GLIS1: variants seen among roughly 807,000 people sequenced by gnomAD.
GLIS1 encodes the protein GLIS family zinc finger 1, also known as zinc finger protein GLIS1.
In GLIS1, 24 loss-of-function variants were observed where a neutral mutation model predicts 63.8. The observed-to-expected ratio is 0.38, with a 90% CI of 0.27 to 0.53. The LOEUF (loss-of-function observed/expected upper bound fraction) is 0.53, where lower values mean the gene tolerates loss of function less well. GLIS1 is among the 20% of genes least tolerant of loss of function. The pLI, the probability that GLIS1 is intolerant of heterozygous loss-of-function variation, is 0.85. For synonymous variants in GLIS1, 450 were observed against 482.5 expected (o/e 0.93, Z 0.88); for missense variants, 1,036 against 1,074.1 (o/e 0.96, Z 0.50).
At chr1:53,580,879 C>T (rs79819325) in intron 4 of GLIS1, among the ~76,000 whole-genome samples, 1,735 of 152,296 alleles carry the variant, frequency 0.011, 31 homozygotes, top group African/African-American at 0.04. Context: ...TCCTGCCCCA[C>T]CTCTGTGCCC....
At chr1:53,658,914 C>T (rs1043937376) in intron 2 of GLIS1, among the ~76,000 whole-genome samples, 18 of 152,212 alleles carry the variant, frequency 1.2e-4, no homozygotes, top group African/African-American at 4.1e-4. Context: ...GTGGGGGGCA[C>T]AGCAGGCAGG....
chr1:53,642,120 C>T (rs1305659655), intron 2 of GLIS1, among the ~76,000 whole-genome samples: 1 of 152,264 alleles, frequency 6.6e-6, no homozygotes, highest in Non-Finnish European at 1.5e-5. Context: ...GGCCAGGCCA[C>T]ACCTACCCTG....
chr1:53,708,643 G>A (rs1411061370), intron 2 of GLIS1, among the ~76,000 whole-genome samples: 5 of 152,024 alleles, frequency 3.3e-5, no homozygotes, highest in African/African-American at 4.8e-5. Context: ...GGCAACTCAG[G>A]AACAAAAGGC....
chr1:53,672,115 C>T (rs1436427503), intron 2 of GLIS1, among the ~76,000 whole-genome samples: 5 of 152,184 alleles, frequency 3.3e-5, no homozygotes, highest in Admixed American at 3.3e-4. Flanking sequence ...TCCAAGCAGC[C>T]CTGAACCCAT....
At position 53,679,692 on chromosome 1, in the gene GLIS1, C is replaced by T. The variant is rs576190358; in HGVS notation, c.259+58114G>A. 9.2e-5 allele frequency among the ~76,000 whole-genome samples: 14 copies of T among 152,144 alleles called. 1 individual carries two copies. In the South Asian group the frequency reaches 1.5e-3, roughly 16 times the overall value. On this transcript the variant is annotated intron_variant, in intron 2 of 10. Transcript: ENST00000628545. Reference sequence around the variant, plus strand: ...GTCAGCCATGCCTCCTGGACGGGCCCCTTGGCTGCTCTGAGCATGCTTCCT... The same window carrying T: ...GTCAGCCATGCCTCCTGGACGGGCCTCTTGGCTGCTCTGAGCATGCTTCCT...
intron 4 of GLIS1, among the ~76,000 whole-genome samples, chr1:53,568,506 G>A (rs1398667690): frequency 1.3e-5 from 2 of 152,136 alleles, no homozygotes; most frequent in African/African-American, 2.4e-5. Flanking sequence ...GTTTTTAAAT[G>A]TGAGAAGGAC....
chr1:53,709,377 C>CATATATACAT (rs1646618425), intron 2 of GLIS1, among the ~76,000 whole-genome samples: 1 of 59,002 alleles, frequency 1.7e-5, no homozygotes, highest in South Asian at 4.6e-4. Flanking sequence ...TATATATATA[C>CATATATACAT]ATATATACAT....
chr1:53,667,958 A>G (rs1349554252), intron 2 of GLIS1, among the ~76,000 whole-genome samples: 1 of 152,096 alleles, frequency 6.6e-6, no homozygotes, highest in Non-Finnish European at 1.5e-5. Context: ...AATCCATTTC[A>G]TTACCATTGC....
At chr1:53,544,622 G>A (rs1644679635) in intron 4 of GLIS1, among the ~76,000 whole-genome samples, 1 of 152,202 alleles carries the variant, frequency 6.6e-6, no homozygotes, top group Non-Finnish European at 1.5e-5. Flanking sequence ...TGACCTCTGG[G>A]GACCCTCCAG....
Position 53,518,807 on chromosome 1 carries a change from T to G in GLIS1, c.1726+1827A>C, listed in dbSNP as rs112547831. On this transcript the variant is annotated intron_variant, in intron 7 of 10. Transcript: ENST00000628545. ...TTGTGAAGTCAGTGGCCCAAGCAGG[T>G]GCTCAAGAGATGGTAACTGCTGGCC... Among the ~76,000 whole-genome samples the G allele has an allele frequency of 2.0e-3, 310 of 152,314 alleles. 2 individuals are homozygous for G. Among genetic ancestry groups the G allele is most frequent in the African/African-American group, 7.1e-3 (297 of 41,562 alleles).
chr1:53,610,800 A>G (rs552599644), intron 2 of GLIS1, among the ~76,000 whole-genome samples: 5 of 152,288 alleles, frequency 3.3e-5, no homozygotes, highest in African/African-American at 1.2e-4. Flanking sequence ...TGGGGCAACA[A>G]TGTATGTTAG....
At chr1:53,738,132 G>C (rs1646931527) in intron 1 of GLIS1, 26 bp from the exon 2 acceptor site, 1 of 1,194,396 alleles carries the variant, frequency 8.4e-7, no homozygotes, top group East Asian at 3.2e-5. Context: ...AGCACAGCCA[G>C]TTAGAATGCG....
intron 2 of GLIS1, among the ~76,000 whole-genome samples, chr1:53,660,697 G>T (rs796874738): frequency 2.6e-5 from 4 of 152,278 alleles, no homozygotes; most frequent in African/African-American, 9.6e-5. Context: ...TACAGACATG[G>T]ACCCTTGAGC....
At chr1:53,584,021 C>T (rs1157888115) in intron 4 of GLIS1, among the ~76,000 whole-genome samples, 2 of 152,166 alleles carry the variant, frequency 1.3e-5, no homozygotes, top group African/African-American at 4.8e-5. Context: ...GGTGCCCAGG[C>T]GTTGGCAAGA....
At chr1:53,619,381 G>A (rs1645517678) in intron 2 of GLIS1, among the ~76,000 whole-genome samples, 1 of 152,206 alleles carries the variant, frequency 6.6e-6, no homozygotes, top group South Asian at 2.1e-4. Flanking sequence ...GCTGCTTCTA[G>A]GAAGGCTTCC....
intron 2 of GLIS1, among the ~76,000 whole-genome samples, chr1:53,714,545 C>T (rs1317851945): frequency 1.3e-5 from 2 of 152,228 alleles, no homozygotes; most frequent in East Asian, 1.9e-4. Flanking sequence ...GTGAAAATTC[C>T]AGTCCACGAT....
At chr1:53,696,592 T>A (rs1289118226) in intron 2 of GLIS1, among the ~76,000 whole-genome samples, 1 of 151,732 alleles carries the variant, frequency 6.6e-6, no homozygotes, top group African/African-American at 2.4e-5. Flanking sequence ...GGAAAATAAA[T>A]CAAACTCCCC....
intron 6 of GLIS1, among the ~76,000 whole-genome samples, chr1:53,524,152 A>T (rs1318368556): frequency 6.6e-6 from 1 of 152,184 alleles, no homozygotes; most frequent in Non-Finnish European, 1.5e-5. Flanking sequence ...GTCCCCTCTG[A>T]TGGCTGAGGA....
intron 2 of GLIS1, among the ~76,000 whole-genome samples, chr1:53,727,920 C>T (rs1196298449): frequency 6.6e-6 from 1 of 152,218 alleles, no homozygotes; most frequent in Non-Finnish European, 1.5e-5. Flanking sequence ...AATTTACTGG[C>T]ATCTCACATG....
Sources: gnomAD v4.1 joint callset for allele counts (sites outside exome capture counted in the v4.1 genomes callset) on GRCh38, gnomAD v4.1.1 for gene constraint, MANE v1.5 for transcripts, NCBI Gene and HGNC (gene_info 2026-07-23, HGNC 2026-07-21) for gene names.